Variants in B3GALT1 observed in about 807,000 individuals in gnomAD.
B3GALT1 encodes beta-1,3-galactosyltransferase 1, also known as UDP-Gal:betaGlcNAc beta 1,3-galactosyltransferase, polypeptide 1.
In B3GALT1, 10 loss-of-function variants were observed where a neutral mutation model predicts 23.2. The observed-to-expected ratio is 0.43, with a 90% CI of 0.27 to 0.73. The LOEUF (loss-of-function observed/expected upper bound fraction) is 0.73. Ranked by LOEUF, B3GALT1 falls within the 30% of genes least tolerant of loss-of-function variation. B3GALT1 has a pLI of 0.21. For synonymous variants in B3GALT1, 156 were observed against 141.5 expected (o/e 1.10, Z -0.73); for missense variants, 299 against 405.4 (o/e 0.74, Z 2.25).
chr2:167,554,147 T>G (rs1167059886), intron 2 of B3GALT1, among the ~76,000 whole-genome samples: 3 of 152,178 alleles, frequency 2.0e-5, no homozygotes. Flanking sequence ...ACAAGCAATT[T>G]CCCTAAACTT....
intron 4 of B3GALT1, among the ~76,000 whole-genome samples, chr2:167,821,543 T>C (rs1176054083): frequency 1.3e-5 from 2 of 150,720 alleles, no homozygotes; most frequent in East Asian, 2.0e-4. Context: ...CAAGTGATTC[T>C]CCTGCCTCAG....
intron 1 of B3GALT1, among the ~76,000 whole-genome samples, chr2:167,378,161 T>A (rs939381889): frequency 6.6e-6 from 1 of 152,214 alleles, no homozygotes; most frequent in African/African-American, 2.4e-5. Context: ...TGATCTCTCT[T>A]GGCTTATAAG....
At chr2:167,351,048 C>T (rs184493276) in intron 1 of B3GALT1, among the ~76,000 whole-genome samples, 8 of 152,290 alleles carry the variant, frequency 5.3e-5, no homozygotes, top group African/African-American at 1.9e-4. Flanking sequence ...GCAGGTGGAT[C>T]ATTTGAGGTC....
chr2:167,300,398 TACAG>T (rs1442957118), intron 1 of B3GALT1, among the ~76,000 whole-genome samples: 5 of 152,200 alleles, frequency 3.3e-5, no homozygotes, highest in Non-Finnish European at 2.9e-5. Flanking sequence ...CATATATACA[TACAG>T]ACAATCACAG....
At chr2:167,551,258 A>G (rs1364758698) in intron 2 of B3GALT1, among the ~76,000 whole-genome samples, 1 of 152,188 alleles carries the variant, frequency 6.6e-6, no homozygotes, top group Admixed American at 6.5e-5. Flanking sequence ...CCTGGAAGGT[A>G]GTTGTGTTTT....
intron 2 of B3GALT1, among the ~76,000 whole-genome samples, chr2:167,500,704 A>T (rs1272116246): frequency 5.9e-5 from 9 of 152,162 alleles, no homozygotes; most frequent in African/African-American, 2.2e-4. Flanking sequence ...TATTTTTATG[A>T]GCATCAATAA....
At chr2:167,384,323 C>T (rs943746295) in intron 1 of B3GALT1, among the ~76,000 whole-genome samples, 1 of 152,100 alleles carries the variant, frequency 6.6e-6, no homozygotes, top group Non-Finnish European at 1.5e-5. Flanking sequence ...AGATGCATGC[C>T]AGATAAACCT....
In B3GALT1 at chr2:167,387,033, T is replaced by G. The variant is rs16853552; in HGVS notation, c.-511+93699T>G. Among the ~76,000 whole-genome samples the G allele has an allele frequency of 7.7e-3, 1,142 of 147,694 alleles. 12 individuals carry two copies. The highest frequency in any genetic ancestry group is 0.028 in the African/African-American group (1,063 of 37,544). Reference sequence around the variant, plus strand: ...GTCTCATCATATCATATCATATCATTTCATGGGTAAGGAAACTGCCTTGGA... The same window carrying G: ...GTCTCATCATATCATATCATATCATGTCATGGGTAAGGAAACTGCCTTGGA... On this transcript the variant is annotated intron_variant, in intron 1 of 4. Transcript: ENST00000392690.
chr2:167,530,210 A>G (rs2105367296), intron 2 of B3GALT1, among the ~76,000 whole-genome samples: 1 of 152,320 alleles, frequency 6.6e-6, no homozygotes, highest in Non-Finnish European at 1.5e-5. Flanking sequence ...CCTCAAACAG[A>G]TTCTACCCCC....
rs1305653723 is a variant in B3GALT1 at position 167,576,361 on chromosome 2, G to A, written c.-409-70548G>A. ...GAAATGTCTCTCCAATTAGAATAGT[G>A]TACTTTGAAACTTTAATTAAACTGC... On this transcript the variant is annotated intron_variant, in intron 2 of 4. Coordinates refer to ENST00000392690, the MANE Select transcript of B3GALT1 (RefSeq NM_020981.4). Among the ~76,000 whole-genome samples, 3 of 151,700 alleles carry A rather than the reference G, an allele frequency of 2.0e-5. No homozygotes were observed. The East Asian group carries it at 5.8e-4, about 29-fold the overall frequency.
At chr2:167,816,413 A>T (rs1688992253) in intron 3 of B3GALT1, among the ~76,000 whole-genome samples, 1 of 152,170 alleles carries the variant, frequency 6.6e-6, no homozygotes, top group South Asian at 2.1e-4. Flanking sequence ...CCATGGAAAA[A>T]TGAGTTAGCT....
chr2:167,590,684 T>G (rs1684664657), intron 2 of B3GALT1, among the ~76,000 whole-genome samples: 1 of 152,222 alleles, frequency 6.6e-6, no homozygotes, highest in Admixed American at 6.5e-5. Flanking sequence ...TTTTACACAT[T>G]TTCTAACACT....
At chr2:167,722,735 G>T (rs1410430095) in intron 3 of B3GALT1, among the ~76,000 whole-genome samples, 1 of 152,176 alleles carries the variant, frequency 6.6e-6, no homozygotes, top group Non-Finnish European at 1.5e-5. Flanking sequence ...CTTTAGGAAA[G>T]ATTTGTTTAG....
chr2:167,347,750 G>T (rs79747986), intron 1 of B3GALT1, among the ~76,000 whole-genome samples: 1 of 151,976 alleles, frequency 6.6e-6, no homozygotes, highest in Non-Finnish European at 1.5e-5. Context: ...CCATGCGTTT[G>T]TTGCTTTTCC....
chr2:167,416,609 G>A (rs546237950), intron 1 of B3GALT1, among the ~76,000 whole-genome samples: 8 of 152,296 alleles, frequency 5.3e-5, no homozygotes, highest in Admixed American at 3.3e-4. Flanking sequence ...AGCCATGGAA[G>A]CACCACTGGG....
chr2:167,734,170 A>T (rs751226880), intron 3 of B3GALT1, among the ~76,000 whole-genome samples: 120 of 152,210 alleles, frequency 7.9e-4, no homozygotes, highest in Non-Finnish European at 1.4e-3. Flanking sequence ...TGGTTGCTAT[A>T]AAAATTCAGT....
chr2:167,798,297 C>T (rs1044186444), intron 3 of B3GALT1, among the ~76,000 whole-genome samples: 8 of 152,214 alleles, frequency 5.3e-5, no homozygotes, highest in African/African-American at 1.7e-4. Context: ...AATTAAATCC[C>T]ATTTGTCATT....
chr2:167,774,484 T>G (rs866369095), intron 3 of B3GALT1, among the ~76,000 whole-genome samples: 3,550 of 118,108 alleles, frequency 0.03, 70 homozygotes, highest in Non-Finnish European at 0.042. Context: ...TTTTTTTTTT[T>G]GTTTTTTTTT....
chr2:167,779,308 T>C (rs774544576), intron 3 of B3GALT1, among the ~76,000 whole-genome samples: 3 of 152,098 alleles, frequency 2.0e-5, no homozygotes, highest in Non-Finnish European at 4.4e-5. Context: ...CATACGTAGA[T>C]ATAAACTGAA....
Sources: gnomAD v4.1 joint callset for allele counts (sites outside exome capture counted in the v4.1 genomes callset) on GRCh38, gnomAD v4.1.1 for gene constraint, MANE v1.5 for transcripts, NCBI Gene and HGNC (gene_info 2026-07-23, HGNC 2026-07-21) for gene names.